Variants in COQ8B observed in about 807,000 individuals in gnomAD.
COQ8B encodes the protein coenzyme Q8B.
A neutral mutation model predicts 62.0 loss-of-function variants in COQ8B; 44 were observed. The ratio of observed to expected loss-of-function variants is 0.71; its 90% CI spans 0.56 to 0.91. The LOEUF is 0.91. COQ8B is among the 40% of genes least tolerant of loss of function. The pLI is 0.00. For synonymous variants in COQ8B, 252 were observed against 289.9 expected (o/e 0.87, Z 1.33); for missense variants, 649 against 731.6 (o/e 0.89, Z 1.30).
At chr19:40,693,282 C>T (rs2081988311) in intron 13 of COQ8B, among the ~76,000 whole-genome samples, 1 of 152,108 alleles carries the variant, frequency 6.6e-6, no homozygotes, top group Non-Finnish European at 1.5e-5. Context: ...TGGGGCCTGC[C>T]CGGGAACTGC....
rs773250657 is a variant in COQ8B at position 40,692,079 on chromosome 19, C to T, written c.1591G>A (p.Gly531Ser). 53 of 1,608,506 alleles carry T rather than the reference C, an allele frequency of 3.3e-5. No individual in the cohort carries two copies. Among genetic ancestry groups the T allele is most frequent in the East Asian group, 2.0e-4 (9 of 44,692 alleles). The part of the protein sequence containing the change: ...ASRQPDAATA[G>S]SLPTKGDSWV... ...GAGTCCCCTTTGGTGGGGAGGCTGCCGGCAGTGGCTGCGTCTGGCTGGCGA... is the reference window on the plus strand; with the variant it reads ...GAGTCCCCTTTGGTGGGGAGGCTGCTGGCAGTGGCTGCGTCTGGCTGGCGA... Residue 531 changes from glycine to serine, a missense_variant, in exon 15 of 15, where the codon GGC becomes AGC. Coordinates refer to ENST00000324464, the MANE Select transcript of COQ8B (RefSeq NM_024876.4).
chr19:40,695,321 T>G (rs1166219075), intron 13 of COQ8B, among the ~76,000 whole-genome samples: 2 of 64,336 alleles, frequency 3.1e-5, no homozygotes, highest in Non-Finnish European at 3.4e-5. Flanking sequence ...CTGTCTCAAT[T>G]AAAAAAAAAA....
At chr19:40,709,939 G>A (rs2144711324) in intron 5 of COQ8B, 120 bp downstream of exon 5, 1 of 959,124 alleles carries the variant, frequency 1.0e-6, no homozygotes, top group East Asian at 2.6e-5. Flanking sequence ...TAAGAGGTGG[G>A]TAAATTATCA....
In COQ8B at chr19:40,700,469, G is replaced by A; in HGVS notation, c.894-18C>T. 2 of 1,610,126 alleles carry A rather than the reference G, an allele frequency of 1.2e-6. No homozygotes were observed. The highest frequency in any genetic ancestry group is 1.1e-5 in the South Asian group (1 of 90,676). On this transcript the variant is annotated intron_variant, in intron 10 of 14. Coordinates refer to ENST00000324464, the MANE Select transcript of COQ8B (RefSeq NM_024876.4). ...GCAGCTGCCTGGGGCAGAAGGAAAG[G>A]GAGGAAGGGGACTTCGTGCTTCAGG...
chr19:40,714,280 G>A lies in COQ8B; in HGVS notation c.220C>T (p.Gln74Ter). The A allele has an allele frequency of 6.2e-7, 1 of 1,611,744 alleles. No individual in the cohort carries two copies. Among genetic ancestry groups the A allele is most frequent in the Non-Finnish European group, 8.5e-7 (1 of 1,178,712 alleles). The change falls in exon 3 of 15, where the codon CAG (glutamine) becomes TAG (stop). Residue 74 changes from glutamine to a stop codon, truncating the protein, a stop_gained and splice_region_variant. Transcript: ENST00000324464. LOFTEE classifies it high-confidence loss of function. ...TGGGTGGGTGGGGGTAATGATACCT[G>A]GGGCCGGGGTGTCTTCCTGGGACGG... ...EARPRKTPRP[Q>*]LSDRSRERKV...
intron 14 of COQ8B, 110 bp downstream of exon 14, chr19:40,692,841 G>A (rs1469963101): frequency 5.7e-6 from 5 of 877,710 alleles, no homozygotes; most frequent in Middle Eastern, 2.4e-4. Context: ...CCCAGTCCCC[G>A]GGTATCGACA....
At chr19:40,700,734 G>A (rs2082054736) in intron 10 of COQ8B, 1 of 440,338 alleles carries the variant, frequency 2.3e-6, no homozygotes, top group African/African-American at 1.9e-5. Context: ...TATGACTTCT[G>A]GTTGCCCCAG....
Position 40,692,049 on chromosome 19 carries a change from C to T in COQ8B, c.1621G>A (p.Val541Met). 4 of 1,603,620 alleles carry T rather than the reference C, an allele frequency of 2.5e-6. No homozygotes were observed. Among genetic ancestry groups the T allele is most frequent in the Non-Finnish European group, 3.4e-6 (4 of 1,175,376 alleles). Residue 541 changes from valine (V) to methionine (M), a missense_variant, in exon 15 of 15, where the codon GTG (valine) becomes ATG (methionine). By Grantham distance (21) the Val-to-Met change is conservative. Transcript: ENST00000324464. The stretch of plus-strand genomic sequence containing the variant: ...CATGGAGGCTGTCATGAGGGATCCA[C>T]CCAGGAGTCCCCTTTGGTGGGGAGG... ...GSLPTKGDSWVDPS is the reference protein window; with the variant it reads ...GSLPTKGDSWMDPS
intron 5 of COQ8B, among the ~76,000 whole-genome samples, chr19:40,706,223 G>A (rs2082099950): frequency 6.6e-6 from 1 of 152,166 alleles, no homozygotes; most frequent in South Asian, 2.1e-4. Context: ...GACATGAGAA[G>A]GGCAACGATT....
chr19:40,697,316 G>A (rs909973608), intron 12 of COQ8B, among the ~76,000 whole-genome samples: 4 of 152,050 alleles, frequency 2.6e-5, no homozygotes, highest in African/African-American at 4.8e-5. Context: ...GTTTCACTAC[G>A]TTGCCCAGAC....
At chr19:40,713,789 C>A (rs183969805) in intron 4 of COQ8B, among the ~76,000 whole-genome samples, 2 of 147,626 alleles carry the variant, frequency 1.4e-5, no homozygotes, top group African/African-American at 5.0e-5. Flanking sequence ...GAGGCTGAGG[C>A]GAGAGAATTG....
In COQ8B at chr19:40,716,749, TAGGGA is replaced by T. The variant is rs577448068; in HGVS notation, c.-171_-167del. 1.7e-3 allele frequency: 264 copies of T among 153,812 alleles called. No individual in the cohort carries two copies. The highest frequency in any genetic ancestry group is 4.4e-3 in the Admixed American group (68 of 15,330). The allele number at this position is 153,812 out of a possible 1,614,324, so 9.5% of individuals were successfully genotyped here. A position where few individuals can be genotyped will look rare whatever the true frequency, so the allele number is the denominator to read the frequency against. ...CGGCTGGACTCGTCACCGGGGGTTT[TAGGGA>T]AGGTTGAACTTGTCATTCAACCGTG... On this transcript the variant is annotated 5_prime_UTR_variant, in exon 1 of 15. It introduces an in-frame stop codon into an upstream open reading frame of the 5' UTR. Coordinates refer to ENST00000324464, the MANE Select transcript of COQ8B (RefSeq NM_024876.4).
intron 13 of COQ8B, 54 bp downstream of exon 13, chr19:40,695,935 T>A (rs1004573129): frequency 6.4e-6 from 10 of 1,560,432 alleles, no homozygotes; most frequent in Admixed American, 3.3e-5. Flanking sequence ...TCTGCCTCAG[T>A]ATATGGCTTG....
At chr19:40,702,735 C>T (rs753299121) in intron 9 of COQ8B, 42 bp from the exon 10 acceptor site, 40 of 1,583,366 alleles carry the variant, frequency 2.5e-5, no homozygotes, top group Non-Finnish European at 3.3e-5. Context: ...CCCCGAGCGC[C>T]CACTGGTGGA....
At chr19:40,699,354 G>A (rs118093670) in intron 12 of COQ8B, among the ~76,000 whole-genome samples, 315 of 151,870 alleles carry the variant, frequency 2.1e-3, no homozygotes, top group Non-Finnish European at 3.1e-3. Context: ...ATAACTTCCT[G>A]TGCCTCCCCC....
At chr19:40,707,793 G>C (rs1248251608) in intron 5 of COQ8B, among the ~76,000 whole-genome samples, 16 of 152,188 alleles carry the variant, frequency 1.1e-4, no homozygotes, top group Non-Finnish European at 1.5e-5. Context: ...ATTGCAGCAT[G>C]TGTCAGCCCT....
intron 1 of COQ8B, chr19:40,715,646 C>G (rs1022725977): frequency 1.3e-5 from 13 of 978,314 alleles, no homozygotes; most frequent in East Asian, 2.3e-4. Flanking sequence ...TACCCTCCCC[C>G]CCACTTGCAC....
chr19:40,698,538 CAA>C (rs768504379), intron 12 of COQ8B, among the ~76,000 whole-genome samples: 8 of 128,754 alleles, frequency 6.2e-5, no homozygotes, highest in Admixed American at 7.8e-5. Context: ...AACTCTGTCT[CAA>C]AAAAAAAAAA....
chr19:40,699,357 C>T (rs1329426199), intron 12 of COQ8B, among the ~76,000 whole-genome samples: 1 of 151,980 alleles, frequency 6.6e-6, no homozygotes, highest in Non-Finnish European at 1.5e-5. Context: ...ACTTCCTGTG[C>T]CTCCCCCAAC....
Sources: allele counts gnomAD v4.1 joint callset (sites outside exome capture counted in the v4.1 genomes callset), GRCh38; gene constraint gnomAD v4.1.1; transcripts MANE v1.5; gene names NCBI Gene and HGNC (gene_info 2026-07-23, HGNC 2026-07-21).